The following CSPP1 variants were observed in gnomAD, a reference collection of about 807,000 sequenced individuals.
The protein encoded by CSPP1 is centrosome and spindle pole-associated protein 1.
A neutral mutation model predicts 164.4 loss-of-function variants in CSPP1; 126 were observed. That is an observed-to-expected ratio of 0.77 (90% CI 0.66 to 0.89). The LOEUF is 0.89. Ranked by LOEUF, CSPP1 falls within the 40% of genes least tolerant of loss-of-function variation. CSPP1 has a pLI of 0.00. For synonymous variants in CSPP1, 472 were observed against 476.7 expected (o/e 0.99, Z 0.13); for missense variants, 1,395 against 1,449.8 (o/e 0.96, Z 0.61).
intron 18 of CSPP1, among the ~76,000 whole-genome samples, chr8:67,151,983 G>A (rs185076496): frequency 1.3e-5 from 2 of 151,622 alleles, no homozygotes; most frequent in Admixed American, 6.6e-5. Flanking sequence ...AGCTACTTGG[G>A]AGGCTGAGGC....
intron 28 of CSPP1, among the ~76,000 whole-genome samples, chr8:67,187,004 T>C (rs1388455596): frequency 1.3e-5 from 2 of 151,680 alleles, no homozygotes; most frequent in African/African-American, 4.9e-5. Flanking sequence ...TATCTATCTA[T>C]CTATCTATCT....
chr8:67,125,919 G>T (rs1819964984), intron 15 of CSPP1, among the ~76,000 whole-genome samples: 1 of 152,112 alleles, frequency 6.6e-6, no homozygotes, highest in African/African-American at 2.4e-5. Context: ...TACAACCTCT[G>T]CCTCCCAGGT....
chr8:67,091,793 A>G lies in CSPP1; in HGVS notation c.304-10A>G. 8.7e-7 allele frequency: 1 copy of G among 1,145,048 alleles called. No individual in the cohort carries two copies. Among genetic ancestry groups the G allele is most frequent in the Non-Finnish European group, 1.2e-6 (1 of 845,796 alleles). The allele number at this position is 1,145,048 out of a possible 1,614,324, so 70.9% of individuals were successfully genotyped here. ...TAGGTAATATATTTTTTTAATGTGT[A>G]TATATACAGAAAAATTTTCTATCTA... On this transcript the variant is annotated splice_polypyrimidine_tract_variant and intron_variant, in intron 4 of 30. Coordinates refer to ENST00000678616, the MANE Select transcript of CSPP1 (RefSeq NM_001382391.1).
At chr8:67,148,637 T>C (rs1186531923) in intron 17 of CSPP1, among the ~76,000 whole-genome samples, 4 of 152,212 alleles carry the variant, frequency 2.6e-5, no homozygotes, top group Non-Finnish European at 5.9e-5. Flanking sequence ...GGAATTCTAA[T>C]TGTGATTCAT....
intron 17 of CSPP1, among the ~76,000 whole-genome samples, chr8:67,139,025 C>T (rs555130566): frequency 4.1e-4 from 62 of 152,250 alleles, no homozygotes; most frequent in Non-Finnish European, 7.1e-4. Context: ...CCAGTTTTCC[C>T]AGCACCATTT....
Position 67,195,727 on chromosome 8 carries a change from T to TATC in CSPP1, c.*137_*139dup, listed in dbSNP as rs1319295555. ...CATCATCTGTATATAAAATTATTTT[T>TATC]ATCATGATGTATATTATGTACATAA... On this transcript the variant is annotated 3_prime_UTR_variant, in exon 31 of 31. Transcript: ENST00000678616. The TATC allele has an allele frequency of 1.5e-6, 1 of 646,574 alleles. No homozygotes were observed. The highest frequency in any genetic ancestry group is 1.8e-5 in the African/African-American group (1 of 54,408). 40.1% of individuals were successfully genotyped at this position (646,574 alleles called of 1,614,324 possible).
intron 30 of CSPP1, among the ~76,000 whole-genome samples, chr8:67,194,238 A>G (rs1837243381): frequency 6.6e-6 from 1 of 152,248 alleles, no homozygotes; most frequent in Non-Finnish European, 1.5e-5. Context: ...ATTGGTAATA[A>G]TAATAGTTTT....
Position 67,192,809 on chromosome 8 carries a change from GATTT to G in CSPP1, c.3331-650_3331-647del, listed in dbSNP as rs573630338. ...TGTTAACTCCGTCCATAAACGTAAG[GATTT>G]ATTTCTATATTCTTCTTAATCTTCC... On this transcript the variant is annotated intron_variant, in intron 29 of 30. Coordinates refer to ENST00000678616, the MANE Select transcript of CSPP1 (RefSeq NM_001382391.1). 2.5e-3 allele frequency among the ~76,000 whole-genome samples: 376 copies of G among 152,262 alleles called. 2 individuals are homozygous for G. The highest frequency in any genetic ancestry group is 3.1e-3 in the Non-Finnish European group (209 of 68,012).
intron 7 of CSPP1, among the ~76,000 whole-genome samples, chr8:67,102,604 T>C (rs1471847875): frequency 1.3e-5 from 2 of 152,112 alleles, no homozygotes; most frequent in African/African-American, 4.8e-5. Context: ...AAAAGAAGGT[T>C]ATACGTACAA....
chr8:67,071,577 C>T (rs2129540600), intron 1 of CSPP1, among the ~76,000 whole-genome samples: 1 of 152,238 alleles, frequency 6.6e-6, no homozygotes, highest in African/African-American at 2.4e-5. Context: ...TGTAAATTTC[C>T]AGTAGCACAT....
chr8:67,137,103 AC>A (rs1822476477), intron 16 of CSPP1, among the ~76,000 whole-genome samples: 2 of 151,918 alleles, frequency 1.3e-5, no homozygotes, highest in Non-Finnish European at 2.9e-5. Flanking sequence ...TGCCTCAGAC[AC>A]CCAAGTAGCT....
intron 15 of CSPP1, among the ~76,000 whole-genome samples, chr8:67,121,457 G>A (rs1372243139): frequency 2.0e-5 from 3 of 151,956 alleles, no homozygotes; most frequent in South Asian, 2.1e-4. Flanking sequence ...TTCTTTTAAT[G>A]TGGTATATTG....
intron 4 of CSPP1, 57 bp from the exon 5 acceptor site, chr8:67,091,746 C>G (rs913984919): frequency 2.3e-5 from 12 of 527,456 alleles, no homozygotes; most frequent in Non-Finnish European, 3.2e-5. Flanking sequence ...CACATTTATG[C>G]AACATATTTT....
intron 8 of CSPP1, among the ~76,000 whole-genome samples, chr8:67,105,615 C>T (rs1365788690): frequency 6.6e-6 from 1 of 152,064 alleles, no homozygotes; most frequent in Non-Finnish European, 1.5e-5. Flanking sequence ...AACTCCTGAC[C>T]TCAGGCAATC....
At chr8:67,147,284 T>G (rs1824782319) in intron 17 of CSPP1, among the ~76,000 whole-genome samples, 3 of 152,312 alleles carry the variant, frequency 2.0e-5, no homozygotes, top group Non-Finnish European at 4.4e-5. Flanking sequence ...TTCAAGAATA[T>G]CTATCTGCCT....
intron 24 of CSPP1, among the ~76,000 whole-genome samples, chr8:67,166,878 G>A (rs532381914): frequency 7.2e-5 from 11 of 152,226 alleles, no homozygotes; most frequent in African/African-American, 2.2e-4. Flanking sequence ...GCGGCCTTCC[G>A]CAGTGTTTGT....
intron 1 of CSPP1, among the ~76,000 whole-genome samples, chr8:67,073,439 G>T (rs142512643): frequency 6.6e-6 from 1 of 152,100 alleles, no homozygotes; most frequent in Admixed American, 6.6e-5. Flanking sequence ...ATTGGTAAAA[G>T]ACAAAGAAAG....
chr8:67,090,348 T>C (rs1217602027), intron 4 of CSPP1, among the ~76,000 whole-genome samples: 1 of 152,166 alleles, frequency 6.6e-6, no homozygotes, highest in Admixed American at 6.5e-5. Flanking sequence ...GCGGTGGTGC[T>C]GATCTTGGCT....
chr8:67,159,233 A>C, intron 21 of CSPP1, 96 bp downstream of exon 21: 3 of 1,196,486 alleles, frequency 2.5e-6, no homozygotes, highest in Non-Finnish European at 3.5e-6. Flanking sequence ...AAAGAGGAGG[A>C]GGTGCTTTTG....
Sources: gnomAD v4.1 joint callset for allele counts (sites outside exome capture counted in the v4.1 genomes callset) on GRCh38, gnomAD v4.1.1 for gene constraint, MANE v1.5 for transcripts, NCBI Gene and HGNC (gene_info 2026-07-23, HGNC 2026-07-21) for gene names.